OR7D2: variants seen among roughly 807,000 people sequenced by gnomAD.
OR7D2 encodes olfactory receptor 7D2.
For synonymous variants in OR7D2, 158 were observed against 158.7 expected (o/e 1.00, Z 0.03); for missense variants, 370 against 384.1 (o/e 0.96, Z 0.31).
intron 2 of OR7D2, among the ~76,000 whole-genome samples, chr19:9,183,753 C>G (rs1405381826): frequency 1.4e-5 from 2 of 147,812 alleles, no homozygotes; most frequent in African/African-American, 4.9e-5. Context: ...GTCAGGAGAT[C>G]GAGACCATCC....
At chr19:9,184,996 A>AGAGG (rs397800051) in intron 2 of OR7D2, among the ~76,000 whole-genome samples, 3 of 151,392 alleles carry the variant, frequency 2.0e-5, no homozygotes, top group Non-Finnish European at 4.4e-5. Flanking sequence ...AAATATAGAG[A>AGAGG]ATAAAACAGT....
In OR7D2 at chr19:9,187,335, T is replaced by G. The variant is rs2051044910; in HGVS notation, c.*615T>G. On this transcript the variant is annotated 3_prime_UTR_variant, in exon 3 of 3. Coordinates refer to ENST00000641288, the MANE Select transcript of OR7D2 (RefSeq NM_175883.4). ...GAGATCATGCAGCATTTGACTTTGTTTCTTTACTACCTTACTTAAGAGAAT... is the reference window on the plus strand; with the variant it reads ...GAGATCATGCAGCATTTGACTTTGTGTCTTTACTACCTTACTTAAGAGAAT... 1 of 167,032 alleles carries G rather than the reference T, an allele frequency of 6.0e-6. No homozygotes were observed. Among genetic ancestry groups the G allele is most frequent in the African/African-American group, 2.4e-5 (1 of 41,426 alleles). 10.3% of individuals were successfully genotyped at this position (167,032 alleles called of 1,614,324 possible). A position where few individuals can be genotyped will look rare whatever the true frequency, so the allele number is the denominator to read the frequency against.
In OR7D2 at chr19:9,186,532, T is replaced by C; in HGVS notation, c.751T>C (p.Phe251Leu). ...CGSHLSVVSL[F>L]YGTGIGVHFT... ...GTCTCACCTCTCCGTCGTTTCTTTA[T>C]TTTATGGGACAGGCATTGGGGTCCA... Residue 251 changes from phenylalanine to leucine, a missense_variant, in exon 3 of 3, where the codon TTT (phenylalanine) becomes CTT (leucine). Transcript: ENST00000641288. 1.9e-6 allele frequency: 3 copies of C among 1,613,970 alleles called. No homozygotes were observed. The South Asian group carries it at 3.3e-5, about 18-fold the overall frequency.
Position 9,186,596 on chromosome 19 carries a change from C to A in OR7D2, c.815C>A (p.Ser272Tyr), listed in dbSNP as rs765031235. 1 of 1,613,812 alleles carries A rather than the reference C, an allele frequency of 6.2e-7. No homozygotes were observed. Among genetic ancestry groups the A allele is most frequent in the Non-Finnish European group, 8.5e-7 (1 of 1,179,944 alleles). Residue 272 changes from serine (S) to tyrosine (Y), a missense_variant, in exon 3 of 3, where the codon TCC (serine) becomes TAC (tyrosine). Transcript: ENST00000641288. ...SAVTHSSQKISVASVMYTVVT... is the reference protein window; with the variant it reads ...SAVTHSSQKIYVASVMYTVVT... Reference sequence around the variant, plus strand: ...GTGACTCACTCTTCCCAGAAAATCTCCGTGGCCTCGGTGATGTACACTGTG... The same window carrying A: ...GTGACTCACTCTTCCCAGAAAATCTACGTGGCCTCGGTGATGTACACTGTG...
At position 9,186,522 on chromosome 19, in the gene OR7D2, C is replaced by A; in HGVS notation, c.741C>A (p.Val247=). 1 of 1,613,886 alleles carries A rather than the reference C, an allele frequency of 6.2e-7. No homozygotes were observed. Among genetic ancestry groups the A allele is most frequent in the Non-Finnish European group, 8.5e-7 (1 of 1,179,950 alleles). Residue 247 remains valine, a synonymous_variant, in exon 3 of 3, where the codon GTC becomes GTA. Coordinates refer to ENST00000641288, the MANE Select transcript of OR7D2 (RefSeq NM_175883.4). The part of the protein sequence containing the change: ...ALSTCGSHLS[V]VSLFYGTGIG... ...CCACCTGTGGGTCTCACCTCTCCGT[C>A]GTTTCTTTATTTTATGGGACAGGCA...
intron 2 of OR7D2, among the ~76,000 whole-genome samples, chr19:9,184,144 C>G (rs1359646324): frequency 6.6e-6 from 1 of 151,912 alleles, no homozygotes; most frequent in African/African-American, 2.4e-5. Context: ...CTGTAATCCC[C>G]AGCACTTTGG....
Position 9,186,699 on chromosome 19 carries a change from C to T in OR7D2, c.918C>T (p.Ser306=), listed in dbSNP as rs753900130. The part of the protein sequence containing the change: ...DVKGALGSLL[S]RAASCL Reference sequence around the variant, plus strand: ...AGGGAGCCCTGGGGAGTCTCCTCAGCAGGGCAGCCTCTTGTTTGTGATGGA... The same window carrying T: ...AGGGAGCCCTGGGGAGTCTCCTCAGTAGGGCAGCCTCTTGTTTGTGATGGA... The change falls in exon 3 of 3, where the codon AGC becomes AGT. Residue 306 remains serine, a synonymous_variant. Transcript: ENST00000641288. 6.8e-6 allele frequency: 11 copies of T among 1,608,298 alleles called. No homozygotes were observed. The highest frequency in any genetic ancestry group is 9.3e-6 in the Non-Finnish European group (11 of 1,178,038).
chr19:9,186,920 A>AT lies in OR7D2; in HGVS notation c.*200_*201insT. 1 of 455,280 alleles carries AT rather than the reference A, an allele frequency of 2.2e-6. No individual in the cohort carries two copies. Among genetic ancestry groups the AT allele is most frequent in the Non-Finnish European group, 3.8e-6 (1 of 261,392 alleles). 28.2% of individuals were successfully genotyped at this position (455,280 alleles called of 1,614,324 possible). A position where few individuals can be genotyped will look rare whatever the true frequency, so the allele number is the denominator to read the frequency against. On this transcript the variant is annotated 3_prime_UTR_variant, in exon 3 of 3. Transcript: ENST00000641288. ...ATTACCTGAATAGTGAACATAAGGC[A>AT]CTTTTTTTTCTTTTTTGAGACGGAG...
chr19:9,188,197 T>C lies in OR7D2; in HGVS notation c.*1477T>C, dbSNP rs1438231293. On this transcript the variant is annotated 3_prime_UTR_variant, in exon 3 of 3. Transcript: ENST00000641288. ...ACCTCCACCTCCCAGGTTCAAGCGA[T>C]TCTCCTGCCTCAACCTCCTGAGTAG... The C allele has an allele frequency of 6.6e-6, 1 of 152,336 alleles. No individual in the cohort carries two copies. Among genetic ancestry groups the C allele is most frequent in the African/African-American group, 2.4e-5 (1 of 41,436 alleles). 9.4% of individuals were successfully genotyped at this position (152,336 alleles called of 1,614,324 possible). A position where few individuals can be genotyped will look rare whatever the true frequency, so the allele number is the denominator to read the frequency against.
At chr19:9,179,710 A>G (rs895193909) in intron 1 of OR7D2, among the ~76,000 whole-genome samples, 2 of 152,032 alleles carry the variant, frequency 1.3e-5, no homozygotes. Flanking sequence ...CTCTAGTATA[A>G]TATAATAGTT....
At chr19:9,182,712 G>C (rs533925536) in intron 2 of OR7D2, 3 of 157,504 alleles carry the variant, frequency 1.9e-5, no homozygotes, top group Non-Finnish European at 2.8e-5. Flanking sequence ...TAGTAGAGAC[G>C]GGGCTTCACT....
Position 9,188,035 on chromosome 19 carries a change from G to T in OR7D2, c.*1315G>T. On this transcript the variant is annotated 3_prime_UTR_variant, in exon 3 of 3. Transcript: ENST00000641288. Reference sequence around the variant, plus strand: ...TTCACATAATGACTTTGTTTCCTTTGGGTAGATACCCAGTAGTGGAACTGC... The same window carrying T: ...TTCACATAATGACTTTGTTTCCTTTTGGTAGATACCCAGTAGTGGAACTGC... 6.1e-6 allele frequency: 1 copy of T among 165,240 alleles called. No individual in the cohort carries two copies. 10.2% of individuals were successfully genotyped at this position (165,240 alleles called of 1,614,324 possible). A position where few individuals can be genotyped will look rare whatever the true frequency, so the allele number is the denominator to read the frequency against.
rs536198706 is a variant in OR7D2, at chr19:9,181,065, C to T, written c.-14+277C>T. ...GCTTAAGCCCAGGAAGTGGAGGTTG[C>T]AGTGAGCTATGATCATGCTACTGCA... On this transcript the variant is annotated intron_variant, in intron 2 of 2. Coordinates refer to ENST00000641288, the MANE Select transcript of OR7D2 (RefSeq NM_175883.4). 3.3e-5 allele frequency among the ~76,000 whole-genome samples: 5 copies of T among 152,030 alleles called. No individual in the cohort carries two copies. The South Asian group carries it at 1.0e-3, about 32-fold the overall frequency.
intron 2 of OR7D2, among the ~76,000 whole-genome samples, chr19:9,181,444 CTTTTTTTTTT>C (rs911771352): frequency 1.3e-5 from 1 of 77,946 alleles, no homozygotes; most frequent in African/African-American, 5.6e-5. Context: ...ATTTCCTAGA[CTTTTTTTTTT>C]TTTTTTTTTT....
intron 2 of OR7D2, chr19:9,182,919 CT>C: frequency 2.4e-6 from 1 of 421,898 alleles, no homozygotes; most frequent in Admixed American, 2.9e-5. Context: ...CTCAACATGG[CT>C]TTTATCGTGC....
intron 2 of OR7D2, 184 bp from the exon 3 acceptor site, chr19:9,185,578 ATTTTATT>A (rs954913110): frequency 2.0e-5 from 5 of 250,674 alleles, no homozygotes; most frequent in Non-Finnish European, 3.0e-5. Flanking sequence ...TTTTATTTTT[ATTTTATT>A]TTTTATTTTT....
At position 9,188,482 on chromosome 19, in the gene OR7D2, G is replaced by A. The variant is rs1042171072; in HGVS notation, c.*1762G>A. 1.2e-5 allele frequency: 2 copies of A among 167,090 alleles called. No individual in the cohort carries two copies. The highest frequency in any genetic ancestry group is 2.9e-5 in the Non-Finnish European group (2 of 68,134). 10.4% of individuals were successfully genotyped at this position (167,090 alleles called of 1,614,324 possible). A position where few individuals can be genotyped will look rare whatever the true frequency, so the allele number is the denominator to read the frequency against. ...TTCCATATCTTTGCTAATGTGAATA[G>A]TGCCGTGATAAACATGGGGGTGTAA... is the stretch of plus-strand genomic sequence containing the variant. On this transcript the variant is annotated 3_prime_UTR_variant, in exon 3 of 3. Transcript: ENST00000641288.
chr19:9,185,236 GT>G (rs1465620035), intron 2 of OR7D2, among the ~76,000 whole-genome samples: 9 of 152,044 alleles, frequency 5.9e-5, no homozygotes, highest in Admixed American at 5.9e-4. Context: ...ATGTTCATTT[GT>G]TTCACTACAG....
In OR7D2 at chr19:9,188,644, T is replaced by A. The variant is rs1295026073; in HGVS notation, c.*1924T>A. 6.0e-6 allele frequency: 1 copy of A among 167,118 alleles called. No individual in the cohort carries two copies. The highest frequency in any genetic ancestry group is 1.5e-5 in the Non-Finnish European group (1 of 68,116). 10.4% of individuals were successfully genotyped at this position (167,118 alleles called of 1,614,324 possible). A position where few individuals can be genotyped will look rare whatever the true frequency, so the allele number is the denominator to read the frequency against. ...TTGGGTTTGAAGCATTTGCTATAGCTTTGTTATCTCAAGTGGTGGCACAGA... is the reference window on the plus strand; with the variant it reads ...TTGGGTTTGAAGCATTTGCTATAGCATTGTTATCTCAAGTGGTGGCACAGA... On this transcript the variant is annotated 3_prime_UTR_variant, in exon 3 of 3. Coordinates refer to ENST00000641288, the MANE Select transcript of OR7D2 (RefSeq NM_175883.4).
Sources: allele counts gnomAD v4.1 joint callset (sites outside exome capture counted in the v4.1 genomes callset), GRCh38; gene constraint gnomAD v4.1.1; transcripts MANE v1.5; gene names NCBI Gene and HGNC (gene_info 2026-07-23, HGNC 2026-07-21).